Variants in OXR1 observed in about 807,000 individuals in gnomAD.
The protein encoded by OXR1 is oxidation resistance 1, also known as oxidation resistance protein 1.
A neutral mutation model predicts 104.6 loss-of-function variants in OXR1; 41 were observed. The ratio of observed to expected loss-of-function variants is 0.39; its 90% CI spans 0.31 to 0.51. The LOEUF is 0.51. Among genes scored for constraint, OXR1 ranks in the 20% least tolerant of loss-of-function variants. OXR1 has a pLI of 0.77. For synonymous variants in OXR1, 348 were observed against 348.4 expected (o/e 1.00, Z 0.01); for missense variants, 955 against 1,031.9 (o/e 0.93, Z 1.02).
At chr8:106,498,631 CTGTGTGTGTGAG>C (rs983221221) in intron 2 of OXR1, among the ~76,000 whole-genome samples, 17 of 152,024 alleles carry the variant, frequency 1.1e-4, no homozygotes, top group South Asian at 6.2e-4. Context: ...ACATGTTAAG[CTGTGTGTGTGAG>C]TGTGTGTGTG....
At chr8:106,550,479 GT>G (rs1815715870) in intron 3 of OXR1, among the ~76,000 whole-genome samples, 1 of 152,146 alleles carries the variant, frequency 6.6e-6, no homozygotes, top group Non-Finnish European at 1.5e-5. Context: ...CTGTGATATG[GT>G]TTGACTCTGA....
At chr8:106,489,425 T>C (rs1810928729) in intron 2 of OXR1, among the ~76,000 whole-genome samples, 1 of 152,196 alleles carries the variant, frequency 6.6e-6, no homozygotes, top group Non-Finnish European at 1.5e-5. Flanking sequence ...CTCAGCATTG[T>C]AAGTTTTCCC....
intron 3 of OXR1, among the ~76,000 whole-genome samples, chr8:106,611,741 CT>C (rs1183333379): frequency 2.6e-5 from 4 of 152,138 alleles, no homozygotes. Context: ...CATCTTTATT[CT>C]TTGCCAGCAT....
intron 3 of OXR1, among the ~76,000 whole-genome samples, chr8:106,662,373 T>C (rs1240535942): frequency 1.3e-5 from 2 of 152,256 alleles, no homozygotes; most frequent in East Asian, 3.8e-4. Context: ...TAAATGATTA[T>C]CCCTGTTGCT....
chr8:106,703,350 G>C (rs1367215904), intron 8 of OXR1, among the ~76,000 whole-genome samples: 1 of 152,100 alleles, frequency 6.6e-6, no homozygotes, highest in Non-Finnish European at 1.5e-5. Flanking sequence ...ATTTAATTCA[G>C]TGTTTACCAG....
At chr8:106,573,147 A>G (rs537992448) in intron 3 of OXR1, among the ~76,000 whole-genome samples, 1 of 152,176 alleles carries the variant, frequency 6.6e-6, no homozygotes, top group Non-Finnish European at 1.5e-5. Context: ...GTTGTATTCA[A>G]GTCCTCAAAT....
intron 6 of OXR1, among the ~76,000 whole-genome samples, chr8:106,685,041 GAGAA>G (rs1234327079): frequency 6.6e-6 from 1 of 152,086 alleles, no homozygotes; most frequent in Non-Finnish European, 1.5e-5. Flanking sequence ...TTGTGTGTGT[GAGAA>G]AGAGAGAGAG....
At chr8:106,708,177 A>G (rs753534189) in intron 9 of OXR1, among the ~76,000 whole-genome samples, 22 of 152,162 alleles carry the variant, frequency 1.4e-4, no homozygotes, top group Middle Eastern at 3.4e-3. Context: ...AGATTGCTTG[A>G]ACCTAGGAGT....
chr8:106,529,492 G>A (rs145010886), intron 3 of OXR1, among the ~76,000 whole-genome samples: 8 of 152,078 alleles, frequency 5.3e-5, no homozygotes, highest in East Asian at 1.9e-4. Flanking sequence ...CCAAGGAACC[G>A]GAGGTATTCT....
intron 3 of OXR1, among the ~76,000 whole-genome samples, chr8:106,538,291 A>T (rs1479811838): frequency 6.6e-6 from 1 of 152,240 alleles, no homozygotes; most frequent in Non-Finnish European, 1.5e-5. Flanking sequence ...TATTCAAATG[A>T]AATTATTACT....
At chr8:106,444,372 A>G (rs888750213) in intron 2 of OXR1, among the ~76,000 whole-genome samples, 4 of 152,218 alleles carry the variant, frequency 2.6e-5, no homozygotes, top group Non-Finnish European at 5.9e-5. Context: ...TCATTCTTCT[A>G]TAAAGATTCA....
chr8:106,286,589 A>T (rs904528058), intron 1 of OXR1, among the ~76,000 whole-genome samples: 1 of 152,148 alleles, frequency 6.6e-6, no homozygotes, highest in Non-Finnish European at 1.5e-5. Context: ...GTAGCACTGG[A>T]TGTTTTAACA....
chr8:106,537,780 G>T (rs751115576), intron 3 of OXR1, among the ~76,000 whole-genome samples: 1 of 152,108 alleles, frequency 6.6e-6, no homozygotes, highest in African/African-American at 2.4e-5. Context: ...GAGACTTGAC[G>T]TAGATAGGTT....
chr8:106,543,321 A>C (rs950367882), intron 3 of OXR1, among the ~76,000 whole-genome samples: 4 of 151,292 alleles, frequency 2.6e-5, no homozygotes, highest in Non-Finnish European at 5.9e-5. Context: ...TTTTTCTTCC[A>C]TGTTTATTTC....
chr8:106,293,965 ATTTT>A (rs61559960), intron 1 of OXR1, among the ~76,000 whole-genome samples: 4 of 124,344 alleles, frequency 3.2e-5, no homozygotes, highest in Non-Finnish European at 6.4e-5. Context: ...TGACAGTTTA[ATTTT>A]TTTTTTTTTT....
At chr8:106,273,381 A>G (rs1172152407) in intron 1 of OXR1, among the ~76,000 whole-genome samples, 1 of 152,236 alleles carries the variant, frequency 6.6e-6, no homozygotes, top group Non-Finnish European at 1.5e-5. Context: ...TCTTGTTGAT[A>G]GGCTTAGAGC....
intron 3 of OXR1, among the ~76,000 whole-genome samples, chr8:106,673,691 A>G (rs948555850): frequency 1.3e-5 from 2 of 152,116 alleles, no homozygotes; most frequent in Admixed American, 6.5e-5. Flanking sequence ...ACTTAGGAAG[A>G]AAAAAATGGT....
chr8:106,672,567 A>G (rs1204806199), intron 3 of OXR1, among the ~76,000 whole-genome samples: 1 of 151,968 alleles, frequency 6.6e-6, no homozygotes, highest in African/African-American at 2.4e-5. Context: ...AAAGGAAGGA[A>G]GGGAAAGAAA....
At chr8:106,346,811 G>A (rs1469627896) in intron 1 of OXR1, among the ~76,000 whole-genome samples, 1 of 152,110 alleles carries the variant, frequency 6.6e-6, no homozygotes, top group African/African-American at 2.4e-5. Context: ...AGGCCAAGGC[G>A]GGCGGATCAC....
Sources: allele counts gnomAD v4.1 joint callset (sites outside exome capture counted in the v4.1 genomes callset), GRCh38; gene constraint gnomAD v4.1.1; transcripts MANE v1.5; gene names NCBI Gene and HGNC (gene_info 2026-07-23, HGNC 2026-07-21).